IZUMO2: variants seen among roughly 807,000 people sequenced by gnomAD.
IZUMO2 encodes IZUMO family member 2.
A neutral mutation model predicts 31.2 loss-of-function variants in IZUMO2; 24 were observed. That is an observed-to-expected ratio of 0.77 (90% CI 0.56 to 1.08). The LOEUF (loss-of-function observed/expected upper bound fraction) is 1.08. IZUMO2 is among the 50% of genes least tolerant of loss of function. The pLI is 0.00. For synonymous variants in IZUMO2, 144 were observed against 117.3 expected (o/e 1.23, Z -1.47); for missense variants, 278 against 274.0 (o/e 1.01, Z -0.10).
intron 2 of IZUMO2, 22 bp from the exon 3 acceptor site, chr19:50,159,602 TG>T: frequency 6.5e-7 from 1 of 1,545,506 alleles, no homozygotes; most frequent in Non-Finnish European, 8.9e-7. Context: ...AAGAGATCTC[TG>T]TGGGGTGGGA....
intron 2 of IZUMO2, 94 bp downstream of exon 2, chr19:50,162,645 G>T (rs2030437863): frequency 4.8e-6 from 5 of 1,046,830 alleles, no homozygotes; most frequent in South Asian, 1.3e-5. Context: ...TACATTGCAT[G>T]CGTGTTTGCT....
At chr19:50,154,010 G>A (rs1475959354) in intron 6 of IZUMO2, among the ~76,000 whole-genome samples, 1 of 146,070 alleles carries the variant, frequency 6.8e-6, no homozygotes, top group Non-Finnish European at 1.5e-5. Context: ...GAAGGGGCTG[G>A]GGGGGAGGGG....
chr19:50,156,871 C>T (rs1000291839), intron 5 of IZUMO2, among the ~76,000 whole-genome samples: 3 of 152,106 alleles, frequency 2.0e-5, no homozygotes, highest in Non-Finnish European at 2.9e-5. Flanking sequence ...CTGGTTTGAA[C>T]AAATCAACTG....
chr19:50,163,033 C>A lies in IZUMO2; in HGVS notation c.162G>T (p.Gly54=), dbSNP rs746490071. 3.7e-6 allele frequency: 6 copies of A among 1,612,878 alleles called. No individual in the cohort carries two copies. Among genetic ancestry groups the A allele is most frequent in the Non-Finnish European group, 5.1e-6 (6 of 1,179,192 alleles). ...FQLEQLQARA[G]AVLMGMEGPF... Reference sequence around the variant, plus strand: ...GCCCCTCCATGCCCATCAGCACGGCCCCGGCGCGCGCCTGCAGCTGCTCCA... The same window carrying A: ...GCCCCTCCATGCCCATCAGCACGGCACCGGCGCGCGCCTGCAGCTGCTCCA... The change falls in exon 1 of 7, where the codon GGG becomes GGT. Residue 54 remains glycine, a synonymous_variant. Transcript: ENST00000293405.
In IZUMO2 at chr19:50,152,550, G is replaced by T; in HGVS notation, c.*59C>A. The stretch of plus-strand genomic sequence containing the variant: ...CAGGAAATGGACAGAGACATTGATG[G>T]ATTTGTCACCAATTTTATTAAATTT... On this transcript the variant is annotated 3_prime_UTR_variant, in exon 7 of 7. Transcript: ENST00000293405. 1 of 1,433,852 alleles carries T rather than the reference G, an allele frequency of 7.0e-7. No individual in the cohort carries two copies. The highest frequency in any genetic ancestry group is 9.8e-7 in the Non-Finnish European group (1 of 1,016,646). 88.8% of individuals were successfully genotyped at this position (1,433,852 alleles called of 1,614,324 possible).
At position 50,163,152 on chromosome 19, in the gene IZUMO2, C is replaced by A; in HGVS notation, c.43G>T (p.Ala15Ser). Residue 15 changes from alanine to serine, a missense_variant, in exon 1 of 7, where the codon GCC becomes TCC. Physicochemically the swap from Ala to Ser is moderately conservative, Grantham distance 99. Transcript: ENST00000293405. The stretch of plus-strand genomic sequence containing the variant: ...TGCAGGCAGCCCCAGCCTCCGGGGG[C>A]GCCCAAGCCCGAGAGCAGCAGAAGG... ...LTLLLLSGLG[A>S]PGGWGCLQCD... The A allele has an allele frequency of 6.4e-7, 1 of 1,570,278 alleles. No individual in the cohort carries two copies.
At chr19:50,159,643 A>G (rs1007480663) in intron 2 of IZUMO2, 63 bp from the exon 3 acceptor site, 17 of 938,430 alleles carry the variant, frequency 1.8e-5, no homozygotes, top group Non-Finnish European at 2.9e-5. Flanking sequence ...CCACTACCTG[A>G]AGCTTCCAGG....
chr19:50,155,276 T>C (rs2030175326), intron 5 of IZUMO2, among the ~76,000 whole-genome samples: 1 of 152,158 alleles, frequency 6.6e-6, no homozygotes, highest in South Asian at 2.1e-4. Flanking sequence ...CACGAGCCTG[T>C]AGTCCTAGCA....
At chr19:50,152,725 C>A in intron 6 of IZUMO2, 74 bp from the exon 7 acceptor site, 1 of 1,252,850 alleles carries the variant, frequency 8.0e-7, no homozygotes, top group Non-Finnish European at 1.2e-6. Context: ...CCCATAACTT[C>A]CCTCCCCATA....
At chr19:50,161,423 A>C (rs2030397168) in intron 2 of IZUMO2, among the ~76,000 whole-genome samples, 2 of 151,912 alleles carry the variant, frequency 1.3e-5, no homozygotes. Flanking sequence ...TGCCCGGCTG[A>C]CGCCTTTCTT....
chr19:50,162,214 C>T (rs996530259), intron 2 of IZUMO2, among the ~76,000 whole-genome samples: 4 of 151,976 alleles, frequency 2.6e-5, no homozygotes, highest in African/African-American at 9.7e-5. Flanking sequence ...ACCCGGCAGG[C>T]GGAAGCTCCA....
At chr19:50,154,464 GAA>G (rs1715236916) in intron 6 of IZUMO2, 134 bp downstream of exon 6, 1 of 760,938 alleles carries the variant, frequency 1.3e-6, no homozygotes, top group Non-Finnish European at 2.1e-6. Flanking sequence ...GAGACAGAGA[GAA>G]AAAGAGAGAC....
intron 6 of IZUMO2, chr19:50,153,873 A>T (rs1264917324): frequency 6.6e-6 from 1 of 150,920 alleles, no homozygotes; most frequent in African/African-American, 2.4e-5. Flanking sequence ...GTGGGAGGTG[A>T]TGGCATTACT....
intron 6 of IZUMO2, among the ~76,000 whole-genome samples, chr19:50,154,275 T>A: frequency 7.4e-6 from 1 of 135,874 alleles, no homozygotes; most frequent in East Asian, 2.1e-4. Flanking sequence ...TTTTTTTTTT[T>A]TTTTTTTTTT....
chr19:50,162,632 G>A, intron 2 of IZUMO2, 107 bp downstream of exon 2: 3 of 910,854 alleles, frequency 3.3e-6, no homozygotes, highest in South Asian at 1.5e-5. Flanking sequence ...AAAAAAAAAA[G>A]GCTACATTGC....
rs112649028 is a variant in IZUMO2 at position 50,163,066 on chromosome 19, G to A, written c.129C>T (p.Arg43=). 4.3e-6 allele frequency: 7 copies of A among 1,613,366 alleles called. No homozygotes were observed. The highest frequency in any genetic ancestry group is 5.9e-6 in the Non-Finnish European group (7 of 1,179,486). ...GHLRSALIPS[R]FQLEQLQARA... ...GCGCCTGCAGCTGCTCCAACTGGAAGCGACTGGGGATGAGGGCGGAGCGCA... is the reference window on the plus strand; with the variant it reads ...GCGCCTGCAGCTGCTCCAACTGGAAACGACTGGGGATGAGGGCGGAGCGCA... Residue 43 remains arginine (R), a synonymous_variant, in exon 1 of 7, where the codon CGC becomes CGT. Transcript: ENST00000293405.
chr19:50,162,975 C>T lies in IZUMO2; in HGVS notation c.220G>A (p.Val74Met), dbSNP rs776498617. The T allele has an allele frequency of 3.1e-6, 5 of 1,613,302 alleles. No homozygotes were observed. Among genetic ancestry groups the T allele is most frequent in the Middle Eastern group, 1.6e-4 (1 of 6,066 alleles). Residue 74 changes from valine to methionine, a missense_variant, in exon 1 of 7, where the codon GTG (valine) becomes ATG (methionine). Val to Met is a conservative substitution (Grantham distance 21). Coordinates refer to ENST00000293405, the MANE Select transcript of IZUMO2 (RefSeq NM_152358.3). ...TCCCAACACGCACCCACTTTCCCCA[C>T]AAACACGTTCAGCGCGTAGTCCCGG... is the stretch of plus-strand genomic sequence containing the variant. The part of the protein sequence containing the change: ...FFRDYALNVF[V>M]GKVETNQLDL...
chr19:50,158,245 T>C (rs1416001336), intron 5 of IZUMO2, 23 bp downstream of exon 5: 1 of 1,540,892 alleles, frequency 6.5e-7, no homozygotes, highest in African/African-American at 1.4e-5. Context: ...GTCCCATGTC[T>C]TCCCCCACCC....
chr19:50,154,061 G>T (rs980989058), intron 6 of IZUMO2, among the ~76,000 whole-genome samples: 4 of 149,634 alleles, frequency 2.7e-5, no homozygotes, highest in Non-Finnish European at 5.9e-5. Context: ...AAGCTTAGAG[G>T]GGGAGAGGAA....
Sources: allele counts gnomAD v4.1 joint callset (sites outside exome capture counted in the v4.1 genomes callset), GRCh38; gene constraint gnomAD v4.1.1; transcripts MANE v1.5; gene names NCBI Gene and HGNC (gene_info 2026-07-23, HGNC 2026-07-21).